Variants in INO80 observed in about 807,000 individuals in gnomAD.
INO80 encodes chromatin-remodeling ATPase INO80.
In INO80, 20 loss-of-function variants were observed where a neutral mutation model predicts 203.4. That is an observed-to-expected ratio of 0.10 (90% CI 0.07 to 0.14). The LOEUF (loss-of-function observed/expected upper bound fraction) is 0.14, where lower values mean the gene tolerates loss of function less well. Among genes scored for constraint, INO80 ranks in the 10% least tolerant of loss-of-function variants. INO80 has a pLI of 1.00. For synonymous variants in INO80, 726 were observed against 685.2 expected, an observed-to-expected ratio of 1.06 and a Z score of -0.93; for missense variants, 1,419 against 1,914.4, an observed-to-expected ratio of 0.74 and a Z score of 4.83.
chr15:41,092,531 TA>T (rs1437533128), intron 4 of INO80, among the ~76,000 whole-genome samples: 4 of 151,652 alleles, frequency 2.6e-5, no homozygotes, highest in Non-Finnish European at 2.9e-5. Context: ...CTATAGGGTA[TA>T]AAAAAATATA....
At position 40,997,517 on chromosome 15, in the gene INO80, C is replaced by A; in HGVS notation, c.3570+12G>T. ...ACCTGCATATCTAGTTGATTGTGCT[C>A]TCATTACTTACTGTGTCTGCAGCAG... On this transcript the variant is annotated intron_variant, in intron 29 of 35. Transcript: ENST00000648947. The A allele has an allele frequency of 6.3e-7, 1 of 1,578,110 alleles. No individual in the cohort carries two copies. The highest frequency in any genetic ancestry group is 1.1e-5 in the South Asian group (1 of 90,318).
intron 23 of INO80, among the ~76,000 whole-genome samples, chr15:41,046,167 GTGTGTGTGTC>G (rs1460023709): frequency 5.9e-5 from 7 of 117,886 alleles, no homozygotes; most frequent in South Asian, 2.9e-4. Context: ...GTGTCTGTGT[GTGTGTGTGTC>G]TGTGTGTGTC....
Position 41,058,749 on chromosome 15 carries a change from A to G in INO80, c.1875T>C (p.His625=), listed in dbSNP as rs2045046727. The change falls in exon 16 of 36, where the codon CAT becomes CAC. Residue 625 remains histidine (H), a synonymous_variant. Transcript: ENST00000648947. ...CCAGCTGATAGCTGGTAATAACCACATGGAAGGGGGCATCCTGAGTGTAGA... is the reference window on the plus strand; with the variant it reads ...CCAGCTGATAGCTGGTAATAACCACGTGGAAGGGGGCATCCTGAGTGTAGA... The part of the protein sequence containing the change: ...KTLYTQDAPF[H]VVITSYQLVV... The G allele has an allele frequency of 1.2e-6, 2 of 1,613,914 alleles. No individual in the cohort carries two copies. The highest frequency in any genetic ancestry group is 8.5e-7 in the Non-Finnish European group (1 of 1,179,852).
chr15:41,107,753 C>T (rs6492982), intron 1 of INO80, among the ~76,000 whole-genome samples: 98,378 of 151,824 alleles, frequency 0.65, 32,941 homozygotes, highest in African/African-American at 0.8. Context: ...TGAGCTGAGA[C>T]CATGCCACTG....
chr15:41,055,614 G>A (rs560228027), intron 17 of INO80, among the ~76,000 whole-genome samples: 2 of 152,146 alleles, frequency 1.3e-5, no homozygotes, highest in Non-Finnish European at 2.9e-5. Flanking sequence ...GTTTCAAAGC[G>A]CAAGTCATGC....
chr15:40,996,039 G>A (rs1466862643), intron 29 of INO80, among the ~76,000 whole-genome samples: 10 of 149,744 alleles, frequency 6.7e-5, no homozygotes, highest in Admixed American at 6.7e-4. Flanking sequence ...AGATTAGTGA[G>A]AGAGAGAGAG....
intron 11 of INO80, among the ~76,000 whole-genome samples, chr15:41,072,357 A>C (rs2045334690): frequency 6.6e-6 from 1 of 151,970 alleles, no homozygotes; most frequent in African/African-American, 2.4e-5. Context: ...AAAAACAGCA[A>C]ATTTTTTACT....
chr15:41,109,863 T>C (rs1022662909), intron 1 of INO80, among the ~76,000 whole-genome samples: 11 of 149,926 alleles, frequency 7.3e-5, no homozygotes, highest in African/African-American at 2.5e-4. Flanking sequence ...ACCTGGGAGA[T>C]GGAGGTTGCA....
chr15:41,074,745 A>T (rs2045377488), intron 9 of INO80, among the ~76,000 whole-genome samples, 180 bp from the exon 10 acceptor site: 2 of 152,170 alleles, frequency 1.3e-5, no homozygotes, highest in African/African-American at 4.8e-5. Flanking sequence ...AGCAATGAAT[A>T]AATTTCTTTT....
At chr15:41,093,424 C>G (rs571511946) in intron 4 of INO80, among the ~76,000 whole-genome samples, 8 of 148,690 alleles carry the variant, frequency 5.4e-5, no homozygotes, top group Non-Finnish European at 1.0e-4. Context: ...GACTCCGTCT[C>G]AAAAAAAAGA....
chr15:41,005,524 A>AC, intron 28 of INO80, 69 bp downstream of exon 28: 18 of 780,730 alleles, frequency 2.3e-5, no homozygotes, highest in South Asian at 1.5e-4. Context: ...AAAAAAAAAA[A>AC]AAAACTTACC....
chr15:40,987,071 T>C lies in INO80; in HGVS notation c.3832+20A>G, dbSNP rs760966023. ...TTCTCAGATACGTGAGGGGAGTGTA[T>C]AGAGGTTTAGAGTACATACGTTTCT... On this transcript the variant is annotated intron_variant, in intron 31 of 35. Coordinates refer to ENST00000648947, the MANE Select transcript of INO80 (RefSeq NM_017553.3). 1.7e-5 allele frequency: 23 copies of C among 1,392,048 alleles called. No individual in the cohort carries two copies. The East Asian group carries it at 4.6e-4, about 28-fold the overall frequency. 86.2% of individuals were successfully genotyped at this position (1,392,048 alleles called of 1,614,324 possible).
chr15:41,053,708 G>T (rs548478202), intron 19 of INO80, among the ~76,000 whole-genome samples: 1 of 151,980 alleles, frequency 6.6e-6, no homozygotes, highest in Non-Finnish European at 1.5e-5. Context: ...TTCTATTTTT[G>T]TAATGTTTCA....
At position 41,115,755 on chromosome 15, in the gene INO80, C is replaced by T. The variant is rs561221493; in HGVS notation, c.-44+218G>A. 3.5e-3 allele frequency among the ~76,000 whole-genome samples: 526 copies of T among 152,302 alleles called. 3 individuals carry two copies. The highest frequency in any genetic ancestry group is 0.013 in the South Asian group (61 of 4,826). On this transcript the variant is annotated intron_variant, in intron 1 of 35. Coordinates refer to ENST00000648947, the MANE Select transcript of INO80 (RefSeq NM_017553.3). ...CTGAGGTCACCGCATGACCCCGGGT[C>T]TCCAGAGATATGAAACGGGAAGGAC...
chr15:40,980,346 G>GGAACTCAAAGGA lies in INO80; in HGVS notation c.4536_4547dup (p.Ser1516_Ser1519dup), dbSNP rs749840893. 3.7e-6 allele frequency: 6 copies of GGAACTCAAAGGA among 1,613,930 alleles called. No homozygotes were observed. The East Asian group carries it at 8.9e-5, about 24-fold the overall frequency. On this transcript the variant is annotated inframe_insertion, in exon 36 of 36. Coordinates refer to ENST00000648947, the MANE Select transcript of INO80 (RefSeq NM_017553.3). ...GAACATTATTTCCCTTGCTCAAAGG[G>GGAACTCAAAGGA]GAACTCAAAGGAGAAGAGGCGCTTG...
Position 41,092,310 on chromosome 15 carries a change from T to C in INO80, c.382-128A>G, listed in dbSNP as rs1186957443. On this transcript the variant is annotated intron_variant, in intron 4 of 35. Coordinates refer to ENST00000648947, the MANE Select transcript of INO80 (RefSeq NM_017553.3). ...AAGATAGTCACTCCAGTTCCCCTTA[T>C]GACATGCTTTATAAATTCAACTGAA... is the stretch of plus-strand genomic sequence containing the variant. 7 of 583,646 alleles carry C rather than the reference T, an allele frequency of 1.2e-5. No homozygotes were observed. The South Asian group carries it at 1.5e-4, about 13-fold the overall frequency. 36.2% of individuals were successfully genotyped at this position (583,646 alleles called of 1,614,324 possible).
chr15:41,019,189 C>A (rs565546399), intron 26 of INO80, among the ~76,000 whole-genome samples: 2 of 152,088 alleles, frequency 1.3e-5, no homozygotes. Flanking sequence ...AGGTGTGAAA[C>A]CCAGAAGATT....
chr15:41,036,169 A>AC (rs1370658206), intron 24 of INO80, among the ~76,000 whole-genome samples: 5 of 148,070 alleles, frequency 3.4e-5, no homozygotes, highest in Non-Finnish European at 7.4e-5. Flanking sequence ...AAAAAAAAAA[A>AC]AAAAAAAAAA....
intron 9 of INO80, 124 bp downstream of exon 9, chr15:41,079,574 CAAA>C (rs57754557): frequency 6.9e-4 from 441 of 643,760 alleles, no homozygotes; most frequent in Non-Finnish European, 7.9e-4. Flanking sequence ...GCATCTCTAC[CAAA>C]AAAAAAAAAA....
Sources: gnomAD v4.1 joint callset for allele counts (sites outside exome capture counted in the v4.1 genomes callset) on GRCh38, gnomAD v4.1.1 for gene constraint, MANE v1.5 for transcripts, NCBI Gene and HGNC (gene_info 2026-07-23, HGNC 2026-07-21) for gene names.